PGM5: variants seen among roughly 807,000 people sequenced by gnomAD.
PGM5 encodes the protein phosphoglucomutase-like protein 5.
Under a neutral mutation model 59.2 loss-of-function variants are expected in PGM5, and 23 were observed. The observed-to-expected ratio is 0.39, with a 90% CI of 0.28 to 0.55. PGM5 has a LOEUF of 0.55. Ranked by LOEUF, PGM5 falls within the 20% of genes least tolerant of loss-of-function variation. The probability of loss-of-function intolerance (pLI) is 0.66; values close to 1 mark genes in which losing one functional copy is unlikely to be tolerated. For missense variants in PGM5, 574 were observed against 748.3 expected (o/e 0.77, Z 2.72); for synonymous variants, 214 against 286.0 (o/e 0.75, Z 2.54).
At chr9:68,386,180 G>C (rs1169821459) in intron 3 of PGM5, among the ~76,000 whole-genome samples, 1 of 151,840 alleles carries the variant, frequency 6.6e-6, no homozygotes, top group Non-Finnish European at 1.5e-5. Flanking sequence ...CTATAATGTA[G>C]AGTGAGTAAA....
chr9:68,421,855 A>G (rs1688037756), intron 6 of PGM5, among the ~76,000 whole-genome samples: 2 of 152,088 alleles, frequency 1.3e-5, no homozygotes, highest in African/African-American at 2.4e-5. Flanking sequence ...TGTAGAGAAG[A>G]AAGATAATGT....
At chr9:68,466,271 T>A (rs537236710) in intron 7 of PGM5, 3 of 348,708 alleles carry the variant, frequency 8.6e-6, no homozygotes, top group Non-Finnish European at 1.2e-5. Context: ...ATACTGTGTG[T>A]TTTTTTTTTT....
chr9:68,405,026 T>A (rs1376910490), intron 6 of PGM5: 34 of 152,270 alleles, frequency 2.2e-4, no homozygotes, highest in African/African-American at 8.2e-4. Flanking sequence ...AGCCTCTGAC[T>A]TTCTGGTCCA....
intron 10 of PGM5, among the ~76,000 whole-genome samples, chr9:68,528,524 A>T (rs1373138488): frequency 1.3e-5 from 2 of 152,218 alleles, no homozygotes; most frequent in Admixed American, 1.3e-4. Context: ...GGCATGAGCC[A>T]CCACGCGTGG....
At chr9:68,448,444 A>G (rs1196212440) in intron 6 of PGM5, among the ~76,000 whole-genome samples, 3 of 152,166 alleles carry the variant, frequency 2.0e-5, no homozygotes, top group Middle Eastern at 3.2e-3. Context: ...CCAGCACCCA[A>G]GAGTCATGCT....
chr9:68,479,877 C>T (rs1379000227), intron 8 of PGM5, among the ~76,000 whole-genome samples: 7 of 151,388 alleles, frequency 4.6e-5, no homozygotes, highest in Non-Finnish European at 5.9e-5. Context: ...GAGCCGAGAT[C>T]CCGCCACTGC....
intron 4 of PGM5, among the ~76,000 whole-genome samples, chr9:68,388,828 G>A (rs1448653170): frequency 1.3e-5 from 2 of 151,968 alleles, no homozygotes; most frequent in African/African-American, 4.8e-5. Flanking sequence ...TTCTTCTCTG[G>A]AAGCTTTTAG....
intron 1 of PGM5, among the ~76,000 whole-genome samples, chr9:68,368,260 G>A (rs1291437225): frequency 4.0e-5 from 6 of 150,944 alleles, no homozygotes; most frequent in Non-Finnish European, 8.9e-5. Context: ...AATAGAACTT[G>A]TGCTGCGTTG....
At chr9:68,366,386 G>A (rs1410765751) in intron 1 of PGM5, among the ~76,000 whole-genome samples, 1 of 152,258 alleles carries the variant, frequency 6.6e-6, no homozygotes, top group Non-Finnish European at 1.5e-5. Context: ...TATGTAGTAT[G>A]AAAAAGATGT....
chr9:68,424,482 G>T (rs1264552757), intron 6 of PGM5, among the ~76,000 whole-genome samples: 3 of 152,132 alleles, frequency 2.0e-5, no homozygotes, highest in Admixed American at 6.5e-5. Context: ...CAAGGGATCT[G>T]CCCTTGGGAT....
intron 8 of PGM5, among the ~76,000 whole-genome samples, chr9:68,482,320 A>C (rs1824209977): frequency 6.6e-6 from 1 of 152,030 alleles, no homozygotes; most frequent in Admixed American, 6.6e-5. Flanking sequence ...ACCTTCTCCA[A>C]ATGTCTACCT....
chr9:68,470,149 A>G (rs1251293533), intron 7 of PGM5, among the ~76,000 whole-genome samples: 1 of 152,222 alleles, frequency 6.6e-6, no homozygotes, highest in Non-Finnish European at 1.5e-5. Flanking sequence ...TAGTGTTAAT[A>G]AACAGATTTT....
chr9:68,403,009 G>A (rs1176398456), intron 6 of PGM5, among the ~76,000 whole-genome samples: 1 of 152,114 alleles, frequency 6.6e-6, no homozygotes, highest in African/African-American at 2.4e-5. Context: ...ACATGTGCAG[G>A]GTGAATCAAG....
At chr9:68,479,332 A>G (rs1554686915) in intron 7 of PGM5, 86 bp from the exon 8 acceptor site, 1 of 1,232,298 alleles carries the variant, frequency 8.1e-7, no homozygotes, top group African/African-American at 1.5e-5. Context: ...CATAACATTC[A>G]ATCACTAACT....
At chr9:68,360,303 T>C (rs1554676194) in intron 1 of PGM5, among the ~76,000 whole-genome samples, 1 of 151,372 alleles carries the variant, frequency 6.6e-6, no homozygotes, top group African/African-American at 2.4e-5. Context: ...TTTTATAAAT[T>C]AAAAATATAA....
chr9:68,386,927 A>AT (rs1255273014), intron 3 of PGM5, among the ~76,000 whole-genome samples: 1 of 151,910 alleles, frequency 6.6e-6, no homozygotes, highest in Admixed American at 6.6e-5. Context: ...CATGAATGAG[A>AT]TTTCACGCAA....
At chr9:68,415,125 T>C (rs1823001747) in intron 6 of PGM5, among the ~76,000 whole-genome samples, 1 of 149,432 alleles carries the variant, frequency 6.7e-6, no homozygotes, top group South Asian at 2.1e-4. Context: ...CCACATTCCA[T>C]GCAAAGTCTG....
intron 1 of PGM5, among the ~76,000 whole-genome samples, chr9:68,376,380 T>G (rs1279940296): frequency 6.6e-6 from 1 of 152,142 alleles, no homozygotes; most frequent in African/African-American, 2.4e-5. Context: ...TATTGCTTAT[T>G]TGTTTATAAT....
rs781831108 is a variant in PGM5, at chr9:68,378,295, A to C, written c.358A>C (p.Thr120Pro). ...KIKAAGGIIL[T>P]ASHCPGGPGG... is the part of the protein sequence containing the mutation. ...CAAGGCAGCTGGTGGAATCATTCTA[A>C]CAGCCAGCCACTGCCCTGGAGGACC... Residue 120 changes from threonine (T) to proline (P), a missense_variant, in exon 2 of 11, where the codon ACA becomes CCA. Around this residue, in one of 7 missense-constraint regions of PGM5, gnomAD observed 61 missense variants for 133.3 expected, o/e 0.46. Transcript: ENST00000396396. 2 of 1,597,222 alleles carry C rather than the reference A, an allele frequency of 1.3e-6. No individual in the cohort carries two copies. Among genetic ancestry groups the C allele is most frequent in the Non-Finnish European group, 8.5e-7 (1 of 1,172,996 alleles).
Sources: allele counts gnomAD v4.1 joint callset (sites outside exome capture counted in the v4.1 genomes callset), GRCh38; gene constraint gnomAD v4.1.1; regional missense constraint gnomAD v4.1.1; transcripts MANE v1.5; gene names NCBI Gene and HGNC (gene_info 2026-07-23, HGNC 2026-07-21).